Variants in CDKL4 observed in about 807,000 individuals in gnomAD.
CDKL4 encodes cyclin dependent kinase like 4.
Under a neutral mutation model 42.0 loss-of-function variants are expected in CDKL4, and 44 were observed. That is an observed-to-expected ratio of 1.05 (90% CI 0.82 to 1.35). The LOEUF (loss-of-function observed/expected upper bound fraction) is 1.35, where lower values mean the gene tolerates loss of function less well. Among genes scored for constraint, CDKL4 ranks in the 40% most tolerant of loss-of-function variants. CDKL4 has a pLI of 0.00. For missense variants in CDKL4, 393 were observed against 369.9 expected (o/e 1.06, Z -0.51); for synonymous variants, 120 against 121.6 (o/e 0.99, Z 0.09).
At chr2:39,220,193 C>T (rs1678217185) in intron 3 of CDKL4, among the ~76,000 whole-genome samples, 1 of 152,164 alleles carries the variant, frequency 6.6e-6, no homozygotes, top group South Asian at 2.1e-4. Flanking sequence ...TAAGAGCACC[C>T]TAACTTCCTT....
chr2:39,184,662 TA>T lies in CDKL4; in HGVS notation c.736-16del. ...TCAAGAGTTTCCTGAAAAACAAGGT[TA>T]AAACATTCAATATTACATAAGAACA... On this transcript the variant is annotated splice_polypyrimidine_tract_variant and intron_variant, in intron 7 of 9. Transcript: ENST00000451199. 1 of 1,588,140 alleles carries T rather than the reference TA, an allele frequency of 6.3e-7. No homozygotes were observed. Among genetic ancestry groups the T allele is most frequent in the Non-Finnish European group, 8.6e-7 (1 of 1,159,134 alleles).
intron 1 of CDKL4, among the ~76,000 whole-genome samples, chr2:39,231,071 G>A (rs996167640): frequency 6.6e-6 from 1 of 152,298 alleles, no homozygotes; most frequent in South Asian, 2.1e-4. Flanking sequence ...AATTACCCGG[G>A]TGTGGTGGCA....
chr2:39,190,760 A>T (rs544356865), intron 5 of CDKL4, among the ~76,000 whole-genome samples: 2 of 152,262 alleles, frequency 1.3e-5, no homozygotes, highest in South Asian at 4.1e-4. Context: ...GATGGGGGGA[A>T]TGAGAATTTC....
At chr2:39,193,129 A>T (rs1481538360) in intron 5 of CDKL4, among the ~76,000 whole-genome samples, 2 of 117,814 alleles carry the variant, frequency 1.7e-5, no homozygotes, top group South Asian at 2.8e-4. Context: ...CTCCATCTCT[A>T]AAAAAAAAAA....
chr2:39,183,891 C>T lies in CDKL4; in HGVS notation c.792+700G>A, dbSNP rs536275883. On this transcript the variant is annotated intron_variant, in intron 8 of 9. Transcript: ENST00000451199. ...TAGCACCATGGCAGTGACCAGCACT[C>T]GCACAAAGGCTGGTCTACAAAAGTT... 4.0e-4 allele frequency among the ~76,000 whole-genome samples: 61 copies of T among 152,258 alleles called. No homozygotes were observed. In the South Asian group the frequency reaches 4.4e-3, roughly 11 times the overall value.
intron 3 of CDKL4, among the ~76,000 whole-genome samples, chr2:39,221,748 A>C (rs1678386028): frequency 6.6e-6 from 1 of 152,192 alleles, no homozygotes; most frequent in South Asian, 2.1e-4. Flanking sequence ...GAGTTGCTTG[A>C]ACATGCCTTG....
chr2:39,179,374 T>C, intron 8 of CDKL4, 53 bp from the exon 9 acceptor site: 1 of 1,406,498 alleles, frequency 7.1e-7, no homozygotes, highest in Non-Finnish European at 9.6e-7. Flanking sequence ...CTCATTTTGT[T>C]ACCGTGCCCA....
chr2:39,172,265 T>C (rs888468371), downstream of CDKL4, among the ~76,000 whole-genome samples: 8 of 151,502 alleles, frequency 5.3e-5, no homozygotes, highest in Admixed American at 3.3e-4. Context: ...TGAGCCAAGA[T>C]TGCGCCATTG....
At chr2:39,200,500 T>C (rs1676783235) in intron 5 of CDKL4, among the ~76,000 whole-genome samples, 1 of 151,854 alleles carries the variant, frequency 6.6e-6, no homozygotes, top group Non-Finnish European at 1.5e-5. Context: ...CTAAAATTCA[T>C]ATAGAACCAA....
intron 3 of CDKL4, among the ~76,000 whole-genome samples, chr2:39,221,248 C>T (rs1455253063): frequency 1.3e-5 from 2 of 151,696 alleles, no homozygotes; most frequent in Non-Finnish European, 2.9e-5. Context: ...ATCTCGTGAC[C>T]TTGTGATCCA....
At chr2:39,201,072 A>G (rs9808383) in intron 5 of CDKL4, among the ~76,000 whole-genome samples, 6 of 152,342 alleles carry the variant, frequency 3.9e-5, no homozygotes, top group African/African-American at 1.4e-4. Flanking sequence ...TATACATCCA[A>G]CAGAGGACTA....
intron 7 of CDKL4, among the ~76,000 whole-genome samples, chr2:39,187,203 C>A (rs887356765): frequency 6.6e-6 from 1 of 152,142 alleles, no homozygotes; most frequent in African/African-American, 2.4e-5. Context: ...GTGCCTGCTT[C>A]CCCTCCTGCC....
chr2:39,229,257 G>C (rs1476174710), intron 2 of CDKL4, 108 bp downstream of exon 2: 1 of 794,108 alleles, frequency 1.3e-6, no homozygotes, highest in African/African-American at 1.8e-5. Flanking sequence ...CTGATACAAA[G>C]GAATTTAAGT....
the CDKL4 span, among the ~76,000 whole-genome samples, chr2:39,169,712 G>A: frequency 6.6e-6 from 1 of 152,242 alleles, no homozygotes; most frequent in African/African-American, 2.4e-5. Flanking sequence ...GATACACAGA[G>A]AGTTGCAGTT....
At chr2:39,185,763 A>G (rs1238184219) in intron 7 of CDKL4, among the ~76,000 whole-genome samples, 1 of 151,844 alleles carries the variant, frequency 6.6e-6, no homozygotes, top group Non-Finnish European at 1.5e-5. Flanking sequence ...GCCTGGCTTT[A>G]AATATATTTT....
Position 39,203,461 on chromosome 2 carries a change from C to A in CDKL4, c.454+1066G>T, listed in dbSNP as rs72927488. ...ATATAATGGATTTCCAGGAAAAAAA[C>A]CCCAAATCTATGACACCGCATCTAT... is the stretch of plus-strand genomic sequence containing the variant. On this transcript the variant is annotated intron_variant, in intron 5 of 9. Coordinates refer to ENST00000451199, the Ensembl canonical transcript of CDKL4. 4.9e-3 allele frequency among the ~76,000 whole-genome samples: 748 copies of A among 152,182 alleles called. 1 individual carries two copies. Among genetic ancestry groups the A allele is most frequent in the African/African-American group, 0.017 (707 of 41,514 alleles).
At chr2:39,179,144 A>T (rs1203239951) in intron 9 of CDKL4, 43 bp downstream of exon 9, 1 of 1,580,898 alleles carries the variant, frequency 6.3e-7, no homozygotes. Flanking sequence ...AAAAACAAAA[A>T]AGGAATTATT....
At chr2:39,220,586 G>T (rs753814289) in intron 3 of CDKL4, among the ~76,000 whole-genome samples, 283 of 149,062 alleles carry the variant, frequency 1.9e-3, no homozygotes, top group Non-Finnish European at 3.5e-3. Flanking sequence ...CGAGATTCTG[G>T]TTTTTTTTTT....
exon 10 of CDKL4, chr2:39,175,681 T>C (rs769682421): frequency 6.8e-4 from 122 of 178,220 alleles, no homozygotes; most frequent in Middle Eastern, 5.8e-3. Context: ...ATGTAAATCT[T>C]TTTCATAAAT....
Sources: gnomAD v4.1 joint callset for allele counts (sites outside exome capture counted in the v4.1 genomes callset) on GRCh38, gnomAD v4.1.1 for gene constraint, MANE v1.5 for transcripts, NCBI Gene and HGNC (gene_info 2026-07-23, HGNC 2026-07-21) for gene names.